DOCK3: variants seen among roughly 807,000 people sequenced by gnomAD.
DOCK3 encodes the protein dedicator of cytokinesis protein 3.
Under a neutral mutation model 265.6 loss-of-function variants are expected in DOCK3, and 60 were observed. That is an observed-to-expected ratio of 0.23 (90% CI 0.18 to 0.28). The LOEUF is 0.28. Among genes scored for constraint, DOCK3 ranks in the 10% least tolerant of loss-of-function variants. The pLI is 1.00. For synonymous variants in DOCK3, 881 were observed against 938.0 expected (o/e 0.94, Z 1.11); for missense variants, 1,981 against 2,594.3 (o/e 0.76, Z 5.14).
At chr3:51,171,128 T>C (rs1449601077) in intron 12 of DOCK3, among the ~76,000 whole-genome samples, 1 of 152,176 alleles carries the variant, frequency 6.6e-6, no homozygotes, top group African/African-American at 2.4e-5. Context: ...CCTTGAGATA[T>C]AACATTACAT....
intron 5 of DOCK3, among the ~76,000 whole-genome samples, chr3:50,970,286 A>G (rs917631166): frequency 6.6e-6 from 1 of 152,082 alleles, no homozygotes; most frequent in Non-Finnish European, 1.5e-5. Flanking sequence ...TCTGTCTTGC[A>G]GTATATCTTT....
chr3:50,775,678 T>C (rs533631640), intron 1 of DOCK3, among the ~76,000 whole-genome samples: 1 of 152,230 alleles, frequency 6.6e-6, no homozygotes, highest in East Asian at 1.9e-4. Context: ...TGTGAGATTT[T>C]AGTGCACCTG....
At chr3:51,018,327 G>A (rs1305170003) in intron 5 of DOCK3, among the ~76,000 whole-genome samples, 1 of 151,564 alleles carries the variant, frequency 6.6e-6, no homozygotes, top group Non-Finnish European at 1.5e-5. Context: ...GCTGGGCGTG[G>A]TGGCTCATGC....
At chr3:51,311,956 C>A in intron 28 of DOCK3, 48 bp from the exon 29 acceptor site, 1 of 1,420,534 alleles carries the variant, frequency 7.0e-7, no homozygotes, top group South Asian at 1.3e-5. Flanking sequence ...CCATCAGATG[C>A]CATTGTTAGT....
chr3:51,321,733 T>C (rs1212873417), intron 32 of DOCK3, among the ~76,000 whole-genome samples: 4 of 151,960 alleles, frequency 2.6e-5, no homozygotes, highest in African/African-American at 7.2e-5. Flanking sequence ...ATATCAGAGA[T>C]TGAAGATCAA....
At chr3:51,081,520 C>T (rs982331000) in intron 7 of DOCK3, among the ~76,000 whole-genome samples, 1 of 152,156 alleles carries the variant, frequency 6.6e-6, no homozygotes, top group Non-Finnish European at 1.5e-5. Flanking sequence ...TCAGTCTGCT[C>T]AAACTCTGTG....
At chr3:50,955,346 A>C (rs2076700840) in intron 5 of DOCK3, among the ~76,000 whole-genome samples, 1 of 152,160 alleles carries the variant, frequency 6.6e-6, no homozygotes, top group African/African-American at 2.4e-5. Flanking sequence ...ATGTACTCAG[A>C]GGAATACAAG....
chr3:51,280,278 A>G, intron 27 of DOCK3, 74 bp downstream of exon 27: 1 of 1,387,504 alleles, frequency 7.2e-7, no homozygotes, highest in Non-Finnish European at 1.0e-6. Flanking sequence ...TTTCCCTGTC[A>G]GGGGGATGAA....
At chr3:51,015,678 G>A (rs1389706481) in intron 5 of DOCK3, among the ~76,000 whole-genome samples, 1 of 122,598 alleles carries the variant, frequency 8.2e-6, no homozygotes, top group Admixed American at 9.5e-5. Flanking sequence ...TTTGTTTTTT[G>A]GAATAGTTTG....
intron 2 of DOCK3, among the ~76,000 whole-genome samples, chr3:50,811,437 G>C (rs921451551): frequency 2.6e-5 from 4 of 150,964 alleles, no homozygotes; most frequent in Admixed American, 1.3e-4. Flanking sequence ...GGGAGGGAGA[G>C]AATAAAAGAA....
At chr3:51,202,509 A>T (rs2088857963) in intron 12 of DOCK3, among the ~76,000 whole-genome samples, 2 of 152,194 alleles carry the variant, frequency 1.3e-5, no homozygotes, top group Non-Finnish European at 2.9e-5. Context: ...CAGGAGCTGA[A>T]ATTGTGGCAA....
intron 1 of DOCK3, among the ~76,000 whole-genome samples, chr3:50,739,000 G>A (rs1160307523): frequency 6.6e-6 from 1 of 152,162 alleles, no homozygotes; most frequent in Non-Finnish European, 1.5e-5. Context: ...ATAAGCAGCA[G>A]ATTGATACTG....
At chr3:50,731,145 A>G (rs2038185226) in intron 1 of DOCK3, among the ~76,000 whole-genome samples, 1 of 152,050 alleles carries the variant, frequency 6.6e-6, no homozygotes, top group African/African-American at 2.4e-5. Flanking sequence ...AAAAAAAAAA[A>G]AAGTTCCTTT....
chr3:51,040,410 C>A (rs1208851687), intron 5 of DOCK3, among the ~76,000 whole-genome samples: 1 of 152,056 alleles, frequency 6.6e-6, no homozygotes, highest in African/African-American at 2.4e-5. Context: ...ACTATACATA[C>A]CTTAATTTTA....
chr3:51,092,632 C>T (rs1321938901), intron 9 of DOCK3, among the ~76,000 whole-genome samples: 2 of 151,456 alleles, frequency 1.3e-5, no homozygotes, highest in East Asian at 1.9e-4. Context: ...AAGAGAGCAG[C>T]GGACCTCCTA....
At chr3:50,888,875 G>A (rs1481456425) in intron 3 of DOCK3, among the ~76,000 whole-genome samples, 8 of 152,078 alleles carry the variant, frequency 5.3e-5, no homozygotes, top group Non-Finnish European at 8.8e-5. Context: ...ATGGATTAAA[G>A]ATTAAAGACT....
At chr3:51,055,450 C>T (rs1156271099) in intron 5 of DOCK3, among the ~76,000 whole-genome samples, 1 of 152,184 alleles carries the variant, frequency 6.6e-6, no homozygotes, top group Non-Finnish European at 1.5e-5. Flanking sequence ...CATCTACTTT[C>T]CAGCTTTCAC....
At position 51,228,692 on chromosome 3, in the gene DOCK3, C is replaced by T; in HGVS notation, c.1679C>T (p.Ala560Val). 1 of 1,613,850 alleles carries T rather than the reference C, an allele frequency of 6.2e-7. No individual in the cohort carries two copies. The highest frequency in any genetic ancestry group is 1.1e-5 in the South Asian group (1 of 91,064). The change falls in exon 18 of 53, where the codon GCT becomes GTT. Residue 560 changes from alanine (A) to valine (V), a missense_variant. By Grantham distance (64) the Ala-to-Val change is moderately conservative. Coordinates refer to ENST00000266037, the MANE Select transcript of DOCK3 (RefSeq NM_004947.5). ...GAGAATAGCACGTTTAATAACCATG[C>T]TCTGTACCTGGGCCTGCCCTGCTGC... ...CDENSTFNNH[A>V]LYLGLPCCKE...
intron 5 of DOCK3, among the ~76,000 whole-genome samples, chr3:50,970,903 A>T (rs1294398806): frequency 4.6e-5 from 2 of 43,696 alleles, no homozygotes; most frequent in Non-Finnish European, 8.5e-5. Context: ...ATATATATAT[A>T]TATATATATA....
Sources: gnomAD v4.1 joint callset for allele counts (sites outside exome capture counted in the v4.1 genomes callset) on GRCh38, gnomAD v4.1.1 for gene constraint, MANE v1.5 for transcripts, NCBI Gene and HGNC (gene_info 2026-07-23, HGNC 2026-07-21) for gene names.